The following RAB27B variants were observed in gnomAD, a reference collection of about 807,000 sequenced individuals.
RAB27B encodes ras-related protein Rab-27B.
A neutral mutation model predicts 24.6 loss-of-function variants in RAB27B; 15 were observed. The ratio of observed to expected loss-of-function variants is 0.61; its 90% CI spans 0.41 to 0.94. The LOEUF is 0.94. Ranked by LOEUF, RAB27B falls within the 40% of genes least tolerant of loss-of-function variation. RAB27B has a pLI of 0.00. For missense variants in RAB27B, 261 were observed against 266.8 expected, an observed-to-expected ratio of 0.98 and a Z score of 0.15; for synonymous variants, 105 against 92.5, an observed-to-expected ratio of 1.14 and a Z score of -0.78.
intron 2 of RAB27B, among the ~76,000 whole-genome samples, chr18:54,794,399 T>C (rs1187802264): frequency 2.0e-5 from 3 of 152,222 alleles, no homozygotes; most frequent in Non-Finnish European, 4.4e-5. Flanking sequence ...TTGAGAATAA[T>C]CAAAATGAGC....
At chr18:54,758,609 C>T (rs1908080002) in intron 2 of RAB27B, among the ~76,000 whole-genome samples, 1 of 147,690 alleles carries the variant, frequency 6.8e-6, no homozygotes, top group Admixed American at 7.0e-5. Context: ...GTCTCTCTCT[C>T]CAGCTTGCAA....
intron 2 of RAB27B, among the ~76,000 whole-genome samples, chr18:54,781,212 T>A (rs1277404852): frequency 2.0e-5 from 3 of 152,116 alleles, no homozygotes; most frequent in Admixed American, 1.3e-4. Context: ...AGTATCACAA[T>A]GCAGTCTTTG....
At chr18:54,784,441 T>C (rs1320029811) in intron 2 of RAB27B, among the ~76,000 whole-genome samples, 1 of 152,154 alleles carries the variant, frequency 6.6e-6, no homozygotes, top group Non-Finnish European at 1.5e-5. Context: ...TTTCACCCCT[T>C]ACCCTCCACC....
chr18:54,832,752 A>C (rs1173997356), intron 1 of RAB27B, among the ~76,000 whole-genome samples: 1 of 152,124 alleles, frequency 6.6e-6, no homozygotes, highest in Non-Finnish European at 1.5e-5. Context: ...TTTTAGGATG[A>C]AGGGTGTGGT....
At chr18:54,744,239 C>T (rs960109906) in intron 2 of RAB27B, among the ~76,000 whole-genome samples, 1 of 152,118 alleles carries the variant, frequency 6.6e-6, no homozygotes, top group African/African-American at 2.4e-5. Flanking sequence ...TTTCTTCTAC[C>T]TTTCCTGTCT....
intron 2 of RAB27B, among the ~76,000 whole-genome samples, chr18:54,797,523 G>T (rs151304196): frequency 0.014 from 2,059 of 152,182 alleles, 46 homozygotes; most frequent in African/African-American, 0.047. Flanking sequence ...CAAAATAAAA[G>T]ATAAGATATA....
intron 1 of RAB27B, among the ~76,000 whole-genome samples, chr18:54,871,651 C>G (rs1291320997): frequency 6.6e-6 from 1 of 151,776 alleles, no homozygotes; most frequent in Non-Finnish European, 1.5e-5. Flanking sequence ...GAGATCGAGA[C>G]CATCCTGACT....
chr18:54,807,967 CTGTT>C (rs1909845096), intron 2 of RAB27B, among the ~76,000 whole-genome samples: 1 of 152,160 alleles, frequency 6.6e-6, no homozygotes, highest in South Asian at 2.1e-4. Flanking sequence ...TGTCTCCAGT[CTGTT>C]TGTATCTTTT....
upstream of RAB27B, among the ~76,000 whole-genome samples, chr18:54,826,929 G>A (rs188290617): frequency 4.2e-4 from 64 of 152,296 alleles, no homozygotes; most frequent in Admixed American, 7.8e-4. Flanking sequence ...TAGGACTAAT[G>A]TCAGTAGTGA....
At chr18:54,788,882 C>T (rs1233074960) in intron 2 of RAB27B, among the ~76,000 whole-genome samples, 2 of 152,178 alleles carry the variant, frequency 1.3e-5, no homozygotes, top group African/African-American at 4.8e-5. Flanking sequence ...TTGCTCAAGG[C>T]TTGCATTGCA....
chr18:54,763,975 C>G (rs967013653), intron 2 of RAB27B, among the ~76,000 whole-genome samples: 3 of 152,200 alleles, frequency 2.0e-5, no homozygotes, highest in African/African-American at 7.2e-5. Flanking sequence ...CACCTCTAAT[C>G]AAGCCATCTC....
At chr18:54,880,257 C>T (rs550055895) in intron 3 of RAB27B, 2 of 152,098 alleles carry the variant, frequency 1.3e-5, no homozygotes, top group Admixed American at 1.3e-4. Context: ...AGCTAATACT[C>T]GGTAGACAGT....
rs1913288243 is a variant in RAB27B, at chr18:54,889,636, A to T, written c.*223A>T. ...ACATGATCAAAGATTTCCCAATGTG[A>T]TCTCATCATCATGGATACTCAATTT... is the stretch of plus-strand genomic sequence containing the variant. On this transcript the variant is annotated 3_prime_UTR_variant, in exon 6 of 6. Transcript: ENST00000262094. The T allele has an allele frequency of 4.5e-6, 2 of 442,226 alleles. No individual in the cohort carries two copies. Among genetic ancestry groups the T allele is most frequent in the Admixed American group, 4.0e-5 (1 of 25,124 alleles). The allele number at this position is 442,226 out of a possible 1,614,324, so 27.4% of individuals were successfully genotyped here.
intron 2 of RAB27B, among the ~76,000 whole-genome samples, chr18:54,743,850 G>T (rs531768331): frequency 6.6e-6 from 1 of 152,158 alleles, no homozygotes; most frequent in Non-Finnish European, 1.5e-5. Context: ...GCTCTGTCAC[G>T]TGTTAATGGT....
intron 3 of RAB27B, among the ~76,000 whole-genome samples, chr18:54,883,195 T>C (rs1469179649): frequency 6.6e-6 from 1 of 152,078 alleles, no homozygotes; most frequent in Non-Finnish European, 1.5e-5. Flanking sequence ...GCTGGAAGTA[T>C]CCAACAAGTA....
At chr18:54,757,997 G>A (rs972395290) in intron 2 of RAB27B, among the ~76,000 whole-genome samples, 24 of 151,936 alleles carry the variant, frequency 1.6e-4, no homozygotes, top group Non-Finnish European at 3.2e-4. Context: ...TTTTGAGATG[G>A]AGTTTCACTC....
At chr18:54,784,933 C>A (rs1294931757) in intron 2 of RAB27B, among the ~76,000 whole-genome samples, 1 of 152,110 alleles carries the variant, frequency 6.6e-6, no homozygotes, top group Non-Finnish European at 1.5e-5. Context: ...ATGGATGCTC[C>A]TCTCACTCAG....
intron 2 of RAB27B, among the ~76,000 whole-genome samples, chr18:54,816,871 A>G (rs976304052): frequency 2.6e-5 from 4 of 152,228 alleles, no homozygotes; most frequent in Admixed American, 2.0e-4. Context: ...TCATAATATA[A>G]TGACTAATGT....
At chr18:54,819,541 A>AAG (rs2042333341) in intron 2 of RAB27B, among the ~76,000 whole-genome samples, 1 of 149,102 alleles carries the variant, frequency 6.7e-6, no homozygotes, top group African/African-American at 2.5e-5. Context: ...CAAAAAAAAA[A>AAG]AAAAAAGAAA....
Sources: allele counts gnomAD v4.1 joint callset (sites outside exome capture counted in the v4.1 genomes callset), GRCh38; gene constraint gnomAD v4.1.1; transcripts MANE v1.5; gene names NCBI Gene and HGNC (gene_info 2026-07-23, HGNC 2026-07-21).